Variants in ZNF77 observed in about 807,000 individuals in gnomAD.
ZNF77 encodes the protein zinc finger protein 77.
A neutral mutation model predicts 13.5 loss-of-function variants in ZNF77; 15 were observed. The ratio of observed to expected loss-of-function variants is 1.11; its 90% CI spans 0.74 to 1.71. ZNF77 has a LOEUF of 1.71. Ranked by LOEUF, ZNF77 falls within the 40% of genes most tolerant of loss-of-function variation. ZNF77 has a pLI of 0.00. For missense variants in ZNF77, 717 were observed against 676.4 expected (o/e 1.06, Z -0.67); for synonymous variants, 282 against 250.0 (o/e 1.13, Z -1.21).
At chr19:2,939,099 C>T (rs28710428) in intron 2 of ZNF77, among the ~76,000 whole-genome samples, 182 bp downstream of exon 2, 2,271 of 93,264 alleles carry the variant, frequency 0.024, 22 homozygotes, top group African/African-American at 0.048. Flanking sequence ...AATGACGCCA[C>T]CCTTACCCAA....
chr19:2,942,505 C>A (rs4807374), intron 1 of ZNF77, among the ~76,000 whole-genome samples: 5,435 of 150,880 alleles, frequency 0.036, 304 homozygotes, highest in African/African-American at 0.13. Context: ...ACCACAGGTG[C>A]GCATCCCCAT....
At chr19:2,937,819 C>G (rs1781230909) in intron 2 of ZNF77, among the ~76,000 whole-genome samples, 1 of 152,056 alleles carries the variant, frequency 6.6e-6, no homozygotes, top group Admixed American at 6.6e-5. Flanking sequence ...TGCAGTGGCA[C>G]TTTGTTGGCT....
intron 1 of ZNF77, among the ~76,000 whole-genome samples, chr19:2,940,544 A>T (rs562548468): frequency 1.3e-5 from 2 of 152,046 alleles, no homozygotes; most frequent in Non-Finnish European, 2.9e-5. Flanking sequence ...GTGGTGGCAC[A>T]CGCCTGTAGT....
chr19:2,940,868 A>T lies in ZNF77; in HGVS notation c.4-1461T>A, dbSNP rs115253886. On this transcript the variant is annotated intron_variant, in intron 1 of 3. Coordinates refer to ENST00000314531, the MANE Select transcript of ZNF77 (RefSeq NM_021217.3). ...TCTTACAAAAGTTCTACATGTGTTC[A>T]ATTTTATAATAAAATGCTATCAGCA... Among the ~76,000 whole-genome samples the T allele has an allele frequency of 2.2e-3, 340 of 151,912 alleles. 3 individuals carry two copies. Among genetic ancestry groups the T allele is most frequent in the African/African-American group, 7.9e-3 (326 of 41,446 alleles).
At chr19:2,942,232 T>C (rs2088455235) in intron 1 of ZNF77, among the ~76,000 whole-genome samples, 1 of 151,686 alleles carries the variant, frequency 6.6e-6, no homozygotes, top group Non-Finnish European at 1.5e-5. Context: ...CCATCACACC[T>C]GGCTAATTTT....
At chr19:2,941,982 A>G (rs1413830528) in intron 1 of ZNF77, among the ~76,000 whole-genome samples, 1 of 152,098 alleles carries the variant, frequency 6.6e-6, no homozygotes, top group Non-Finnish European at 1.5e-5. Flanking sequence ...AAGCCATGGT[A>G]TAACACCAGG....
intron 2 of ZNF77, among the ~76,000 whole-genome samples, chr19:2,936,948 A>T (rs2088403471): frequency 6.6e-6 from 1 of 152,102 alleles, no homozygotes; most frequent in South Asian, 2.1e-4. Flanking sequence ...GCCAAGGTAG[A>T]AGAATTGCTT....
intron 1 of ZNF77, among the ~76,000 whole-genome samples, chr19:2,941,125 C>T (rs2316902): frequency 1.4e-5 from 2 of 142,494 alleles, no homozygotes; most frequent in African/African-American, 2.6e-5. Context: ...TAGTGAGCCA[C>T]GATGTCACCA....
chr19:2,937,064 C>G (rs2088404453), intron 2 of ZNF77, among the ~76,000 whole-genome samples: 1 of 152,090 alleles, frequency 6.6e-6, no homozygotes, highest in Non-Finnish European at 1.5e-5. Context: ...TGTTGTGTGC[C>G]TATAATCCCA....
In ZNF77 at chr19:2,934,225, C is replaced by A. The variant is rs1374886993; in HGVS notation, c.902G>T (p.Cys301Phe). ...GGAGTAACAGCTGAATGATTTTCCACAATGCTTACATTCATACGGTTTCTC... is the reference window on the plus strand; with the variant it reads ...GGAGTAACAGCTGAATGATTTTCCAAAATGCTTACATTCATACGGTTTCTC... ...TGEKPYECKH[C>F]GKSFSCYSSF... Residue 301 changes from cysteine to phenylalanine, a missense_variant, in exon 4 of 4, where the codon TGT (cysteine) becomes TTT (phenylalanine). Transcript: ENST00000314531. 2 of 1,614,054 alleles carry A rather than the reference C, an allele frequency of 1.2e-6. No individual in the cohort carries two copies. Among genetic ancestry groups the A allele is most frequent in the Admixed American group, 3.3e-5 (2 of 59,992 alleles).
chr19:2,936,040 T>A (rs926167923), intron 3 of ZNF77, among the ~76,000 whole-genome samples: 13 of 148,476 alleles, frequency 8.8e-5, no homozygotes, highest in Admixed American at 6.0e-4. Flanking sequence ...ATAAATAAAA[T>A]AAAAATAAAA....
At chr19:2,941,463 T>A (rs1167367336) in intron 1 of ZNF77, among the ~76,000 whole-genome samples, 1 of 151,212 alleles carries the variant, frequency 6.6e-6, no homozygotes, top group Non-Finnish European at 1.5e-5. Flanking sequence ...GGTGACAGAG[T>A]GAGACTGTCT....
chr19:2,935,348 A>C (rs1297076136), intron 3 of ZNF77, among the ~76,000 whole-genome samples: 41 of 82,612 alleles, frequency 5.0e-4, no homozygotes, highest in Middle Eastern at 0.011. Context: ...ATGGAGTTTC[A>C]CTCTTGTTGC....
chr19:2,944,868 G>T lies in ZNF77; in HGVS notation c.-28C>A, dbSNP rs1024699263. On this transcript the variant is annotated 5_prime_UTR_variant, in exon 1 of 4. Coordinates refer to ENST00000314531, the MANE Select transcript of ZNF77 (RefSeq NM_021217.3). ...CCCGCCCGCTCCTGGGCTCTCCAGG[G>T]TTAGCGCCCCGCGGTCCAGCGACCG... 33 of 1,523,716 alleles carry T rather than the reference G, an allele frequency of 2.2e-5. No individual in the cohort carries two copies. The highest frequency in any genetic ancestry group is 2.5e-5 in the Non-Finnish European group (28 of 1,141,852). The allele number at this position is 1,523,716 out of a possible 1,614,324, so 94.4% of individuals were successfully genotyped here.
At chr19:2,944,707 G>A (rs1377299509) in intron 1 of ZNF77, 131 bp downstream of exon 1, 17 of 1,302,748 alleles carry the variant, frequency 1.3e-5, no homozygotes, top group Middle Eastern at 2.8e-4. Flanking sequence ...CCACGTCCCC[G>A]GGGCCCAGGC....
At chr19:2,937,384 C>CCAAGGCGGGCGGA in intron 2 of ZNF77, among the ~76,000 whole-genome samples, 1 of 152,012 alleles carries the variant, frequency 6.6e-6, no homozygotes, top group East Asian at 1.9e-4. Flanking sequence ...ACTCGGGAGG[C>CCAAGGCGGGCGGA]TGAGGCAGAA....
At chr19:2,942,369 TC>T (rs1351711027) in intron 1 of ZNF77, among the ~76,000 whole-genome samples, 2 of 95,348 alleles carry the variant, frequency 2.1e-5, no homozygotes, top group Non-Finnish European at 4.7e-5. Context: ...CGCGCCCGGC[TC>T]TTTTTTTTTT....
Position 2,943,768 on chromosome 19 carries a change from G to A in ZNF77, c.3+1070C>T, listed in dbSNP as rs538750623. Among the ~76,000 whole-genome samples, 30 of 144,000 alleles carry A rather than the reference G, an allele frequency of 2.1e-4. No individual in the cohort carries two copies. The South Asian group carries it at 6.3e-3, about 30-fold the overall frequency. The allele number at this position is 144,000 out of a possible 152,430, so 94.5% of individuals were successfully genotyped here. ...CTCTGTCGCCAGGCTGGAGTGCAGC[G>A]GCGCCATGTCGGCTCACTGCAAGCT... On this transcript the variant is annotated intron_variant, in intron 1 of 3. Transcript: ENST00000314531.
chr19:2,938,670 T>C (rs2088418179), intron 2 of ZNF77, among the ~76,000 whole-genome samples: 1 of 152,134 alleles, frequency 6.6e-6, no homozygotes, highest in Admixed American at 6.6e-5. Flanking sequence ...AAACAAGGTA[T>C]CTTAGGCCGG....
Sources: gnomAD v4.1 joint callset for allele counts (sites outside exome capture counted in the v4.1 genomes callset) on GRCh38, gnomAD v4.1.1 for gene constraint, MANE v1.5 for transcripts, NCBI Gene and HGNC (gene_info 2026-07-23, HGNC 2026-07-21) for gene names.